The following BCORL1 variants were observed in gnomAD, a reference collection of about 807,000 sequenced individuals.
The protein encoded by BCORL1 is BCL-6 corepressor-like protein 1.
BCORL1 carries 7 observed loss-of-function variants against 87.6 expected under a neutral mutation model. The ratio of observed to expected loss-of-function variants is 0.08; its 90% CI spans 0.05 to 0.15. The LOEUF is 0.15. Ranked by LOEUF, BCORL1 falls within the 10% of genes least tolerant of loss-of-function variation. The pLI is 1.00. For missense variants in BCORL1, 1,215 were observed against 1,499.7 expected, an observed-to-expected ratio of 0.81 and a Z score of 3.13; for synonymous variants, 591 against 634.4, an observed-to-expected ratio of 0.93 and a Z score of 1.03.
At chrX:130,034,020 T>C (rs113890709) in intron 8 of BCORL1, among the ~76,000 whole-genome samples, 9 of 111,761 alleles carry the variant, frequency 8.1e-5, no homozygotes, top group African/African-American at 2.9e-4. Context: ...TCATTTCTCT[T>C]TACTCTCAGA....
chrX:130,005,675 G>A (rs778367028), intron 2 of BCORL1, among the ~76,000 whole-genome samples: 18 of 111,048 alleles, frequency 1.6e-4, no homozygotes, highest in African/African-American at 5.6e-4. Context: ...GAGGGCAGTG[G>A]CACAATCTTG....
chrX:129,996,627 T>C (rs145891532), intron 1 of BCORL1, among the ~76,000 whole-genome samples: 2,512 of 111,322 alleles, frequency 0.023, 73 homozygotes, highest in African/African-American at 0.078. Context: ...CTTTTATTTA[T>C]TTATTTTTTG....
chrX:130,019,010 A>G (rs1206714571), intron 4 of BCORL1, among the ~76,000 whole-genome samples: 7 of 112,239 alleles, frequency 6.2e-5, no homozygotes, highest in Admixed American at 9.4e-5. Flanking sequence ...GGCCTTCTGC[A>G]TCACCAGCAA....
chrX:130,038,485 CTT>C (rs373182779), intron 10 of BCORL1, among the ~76,000 whole-genome samples: 9 of 99,773 alleles, frequency 9.0e-5, no homozygotes, highest in African/African-American at 1.8e-4. Flanking sequence ...TTGCCCCCAC[CTT>C]TTTTTTTTTT....
chrX:129,989,159 A>G (rs1926852507), intron 1 of BCORL1, among the ~76,000 whole-genome samples: 1 of 110,503 alleles, frequency 9.0e-6, no homozygotes, highest in South Asian at 3.8e-4. Flanking sequence ...TTTTTTTGAC[A>G]GAGTCTCACT....
chrX:130,047,395 T>C (rs1931819318), intron 11 of BCORL1, among the ~76,000 whole-genome samples: 2 of 112,043 alleles, frequency 1.8e-5, no homozygotes, highest in African/African-American at 6.5e-5. Context: ...GAAATGGTAA[T>C]GGAAGCCACA....
At chrX:130,047,771 T>C (rs1197228746) in intron 11 of BCORL1, among the ~76,000 whole-genome samples, 2 of 111,655 alleles carry the variant, frequency 1.8e-5, no homozygotes, top group Non-Finnish European at 3.8e-5. Flanking sequence ...CATATATTTA[T>C]TAAGCTCTTA....
At chrX:129,998,127 C>T (rs763402405) in intron 1 of BCORL1, among the ~76,000 whole-genome samples, 6 of 110,588 alleles carry the variant, frequency 5.4e-5, no homozygotes, top group South Asian at 7.5e-4. Context: ...GGATAGCTCA[C>T]AGTGGTTCCT....
At chrX:130,021,824 C>T (rs1929846506) in intron 5 of BCORL1, among the ~76,000 whole-genome samples, 1 of 110,825 alleles carries the variant, frequency 9.0e-6, no homozygotes, top group African/African-American at 3.3e-5. Flanking sequence ...CACTTTGCTT[C>T]CCAGGCTAGA....
intron 6 of BCORL1, 151 bp from the exon 7 acceptor site, chrX:130,024,839 G>A: frequency 1.2e-6 from 1 of 818,749 alleles, no homozygotes; most frequent in Non-Finnish European, 1.7e-6. Context: ...AGACTGCACT[G>A]AAGGAACTTT....
At chrX:130,039,453 A>G (rs1931186488) in intron 11 of BCORL1, among the ~76,000 whole-genome samples, 171 bp downstream of exon 11, 1 of 112,349 alleles carries the variant, frequency 8.9e-6, no homozygotes, top group African/African-American at 3.2e-5. Flanking sequence ...TTGCTTGAAA[A>G]AGTCCAAAGG....
intron 8 of BCORL1, 47 bp downstream of exon 8, chrX:130,028,908 GT>G: frequency 3.5e-6 from 1 of 288,070 alleles, no homozygotes; most frequent in Non-Finnish European, 6.2e-6. Flanking sequence ...GTGGCGGGGG[GT>G]CAGAGGAGGC....
At chrX:130,054,596 G>C (rs1441210254) in intron 13 of BCORL1, among the ~76,000 whole-genome samples, 1 of 110,783 alleles carries the variant, frequency 9.0e-6, no homozygotes, top group African/African-American at 3.3e-5. Flanking sequence ...TTGGGCTGAA[G>C]AGGTTAGAAG....
intron 7 of BCORL1, 100 bp downstream of exon 7, chrX:130,025,479 A>G (rs1930191359): frequency 1.1e-5 from 9 of 796,963 alleles, no homozygotes; most frequent in Non-Finnish European, 1.6e-5. Flanking sequence ...ACCCAGAGAA[A>G]CCCGGTGCTA....
In BCORL1 at chrX:130,015,060, G is replaced by T. The variant is rs759945893; in HGVS notation, c.2288G>T (p.Gly763Val). The T allele has an allele frequency of 8.3e-7, 1 of 1,212,083 alleles. No homozygotes were observed. Among genetic ancestry groups the T allele is most frequent in the South Asian group, 1.8e-5 (1 of 57,029 alleles). ...GATCAAGGAGAGCCTAAGGGCACTG[G>T]TGCCACGTGTGGCAAAAAGGGCAGC... ...IIDQGEPKGT[G>V]ATCGKKGSQA... The change falls in exon 4 of 14, where the codon GGT becomes GTT. Residue 763 changes from glycine (G) to valine (V), a missense_variant. By Grantham distance (109) the Gly-to-Val change is moderately radical (BLOSUM62 -3). Transcript: ENST00000540052.
At chrX:130,039,544 TAGGG>T (rs1018953177) in intron 11 of BCORL1, among the ~76,000 whole-genome samples, 1 of 113,146 alleles carries the variant, frequency 8.8e-6, no homozygotes, top group Non-Finnish European at 1.9e-5. Context: ...ATTTCGTAGC[TAGGG>T]ATCTAGGGTG....
chrX:129,985,374 TGGTGCACA>T (rs919388086), intron 1 of BCORL1, among the ~76,000 whole-genome samples: 10 of 111,865 alleles, frequency 8.9e-5, no homozygotes, highest in African/African-American at 3.3e-4. Flanking sequence ...GGAGGATGTC[TGGTGCACA>T]GTTTAGGGTA....
At chrX:129,984,112 G>A (rs1430054809) in intron 1 of BCORL1, among the ~76,000 whole-genome samples, 155 of 63,240 alleles carry the variant, frequency 2.5e-3, no homozygotes, top group African/African-American at 8.8e-3. Flanking sequence ...CGGGGCGGGC[G>A]GGCGGGGCGT....
chrX:129,990,881 T>C (rs958527081), intron 1 of BCORL1, among the ~76,000 whole-genome samples: 4 of 111,685 alleles, frequency 3.6e-5, no homozygotes, highest in African/African-American at 1.3e-4. Context: ...TTAAAAACCA[T>C]TGCTTTCTGA....
Sources: gnomAD v4.1 joint callset for allele counts (sites outside exome capture counted in the v4.1 genomes callset) on GRCh38, gnomAD v4.1.1 for gene constraint, MANE v1.5 for transcripts, NCBI Gene and HGNC (gene_info 2026-07-23, HGNC 2026-07-21) for gene names.